COL21A1: variants seen among roughly 807,000 people sequenced by gnomAD.
COL21A1 encodes collagen alpha-1(XXI) chain.
Under a neutral mutation model 137.9 loss-of-function variants are expected in COL21A1, and 149 were observed. The observed-to-expected ratio is 1.08, with a 90% confidence interval of 0.95 to 1.24. The LOEUF is 1.24. COL21A1 is among the 50% of genes most tolerant of loss of function. The pLI is 0.00. For synonymous variants in COL21A1, 456 were observed against 391.5 expected (o/e 1.16, Z -1.95); for missense variants, 1,167 against 1,158.4 (o/e 1.01, Z -0.11).
upstream of COL21A1, among the ~76,000 whole-genome samples, chr6:56,251,681 TG>T (rs1782858719): frequency 6.6e-6 from 1 of 152,222 alleles, no homozygotes; most frequent in African/African-American, 2.4e-5. Flanking sequence ...CCTCATGAAA[TG>T]TCTAGTCTAG....
At chr6:56,312,538 A>G (rs1037669031) in intron 1 of COL21A1, among the ~76,000 whole-genome samples, 2 of 152,170 alleles carry the variant, frequency 1.3e-5, no homozygotes, top group African/African-American at 4.8e-5. Context: ...TTGGTTTGAG[A>G]TATCTCTCAG....
intron 1 of COL21A1, among the ~76,000 whole-genome samples, chr6:56,378,532 G>A (rs2094003597): frequency 6.6e-6 from 1 of 152,188 alleles, no homozygotes; most frequent in Non-Finnish European, 1.5e-5. Flanking sequence ...GCTATGTCTT[G>A]TGATTTCAGT....
intron 1 of COL21A1, among the ~76,000 whole-genome samples, chr6:56,359,949 A>G (rs1477826483): frequency 6.6e-6 from 1 of 152,210 alleles, no homozygotes; most frequent in Non-Finnish European, 1.5e-5. Context: ...TAAACTAGCA[A>G]GATATGATGT....
chr6:56,228,951 C>T lies in COL21A1; in HGVS notation c.-39+18436G>A, dbSNP rs545520904. Reference sequence around the variant, plus strand: ...ATAAAAGAACAAATGCAAAAAAATGCAAAACTATATAGTAAGCTAATTATG... The same window carrying T: ...ATAAAAGAACAAATGCAAAAAAATGTAAAACTATATAGTAAGCTAATTATG... On this transcript the variant is annotated intron_variant, in intron 1 of 29. Coordinates refer to ENST00000244728, the MANE Select transcript of COL21A1 (RefSeq NM_030820.4). 9.6e-4 allele frequency among the ~76,000 whole-genome samples: 146 copies of T among 151,882 alleles called. 2 individuals are homozygous for T. The highest frequency in any genetic ancestry group is 9.5e-3 in the Admixed American group (145 of 15,224).
chr6:56,326,180 C>G (rs1765086791), intron 1 of COL21A1, among the ~76,000 whole-genome samples: 1 of 146,908 alleles, frequency 6.8e-6, no homozygotes, highest in African/African-American at 2.5e-5. Flanking sequence ...CTTTAATTAT[C>G]AAAGTTCTTT....
intron 23 of COL21A1, among the ~76,000 whole-genome samples, chr6:56,066,899 GTTTT>G (rs951691350): frequency 6.6e-6 from 1 of 150,682 alleles, no homozygotes; most frequent in Non-Finnish European, 1.5e-5. Context: ...AGGGTTAAAG[GTTTT>G]TTATCAAACT....
At chr6:56,134,339 T>G (rs1201796449) in intron 12 of COL21A1, among the ~76,000 whole-genome samples, 1 of 152,226 alleles carries the variant, frequency 6.6e-6, no homozygotes, top group Non-Finnish European at 1.5e-5. Context: ...CCCTTCGTTT[T>G]GGTCAATTTC....
chr6:56,276,191 G>T (rs769458570), intron 1 of COL21A1, among the ~76,000 whole-genome samples: 5 of 152,156 alleles, frequency 3.3e-5, no homozygotes, highest in Non-Finnish European at 5.9e-5. Context: ...TAAAGATGGG[G>T]ACAATAGACA....
At chr6:56,269,323 T>A (rs1763466201) in intron 1 of COL21A1, among the ~76,000 whole-genome samples, 1 of 151,924 alleles carries the variant, frequency 6.6e-6, no homozygotes, top group Non-Finnish European at 1.5e-5. Context: ...TTCACCAAAG[T>A]CAACATGAAA....
At chr6:56,344,727 C>G (rs56948015) in intron 1 of COL21A1, among the ~76,000 whole-genome samples, 1 of 151,670 alleles carries the variant, frequency 6.6e-6, no homozygotes, top group East Asian at 1.9e-4. Flanking sequence ...AGATTTCCCC[C>G]TTGCTGTTCT....
chr6:56,101,459 A>G lies in COL21A1; in HGVS notation c.1812+13T>C, dbSNP rs1184810029. 1 of 1,580,518 alleles carries G rather than the reference A, an allele frequency of 6.3e-7. No homozygotes were observed. The highest frequency in any genetic ancestry group is 8.6e-7 in the Non-Finnish European group (1 of 1,158,012). On this transcript the variant is annotated intron_variant, in intron 17 of 29. Coordinates refer to ENST00000244728, the MANE Select transcript of COL21A1 (RefSeq NM_030820.4). ...AACTTCATCTTTTAGAACTGAAATG[A>G]GAAGGTACTCACAGGCTCTCCCCGT...
intron 8 of COL21A1, 24 bp from the exon 9 acceptor site, chr6:56,164,530 G>A: frequency 6.7e-7 from 1 of 1,502,692 alleles, no homozygotes; most frequent in Non-Finnish European, 9.1e-7. Context: ...AATGGAAACA[G>A]ACAACAAGCA....
intron 17 of COL21A1, chr6:56,078,174 C>T: frequency 2.2e-6 from 1 of 455,790 alleles, no homozygotes; most frequent in Non-Finnish European, 4.4e-6. Context: ...CGTGGCTGAA[C>T]TCATATGCAC....
In COL21A1 at chr6:56,365,817, T is replaced by C. The variant is rs150500110; in HGVS notation, c.-39+28154A>G. Among the ~76,000 whole-genome samples the C allele has an allele frequency of 4.4e-3, 676 of 152,308 alleles. 1 individual carries two copies. The highest frequency in any genetic ancestry group is 7.9e-3 in the Non-Finnish European group (539 of 68,026). On this transcript the variant is annotated intron_variant, in intron 1 of 28. Transcript: ENST00000370819. ...GGTTTAACTCTGAATCTTTACACCA[T>C]GTATAACAACCACTTCTTTCCAAGC...
At chr6:56,214,876 T>A (rs1370645662) in intron 1 of COL21A1, among the ~76,000 whole-genome samples, 1 of 152,066 alleles carries the variant, frequency 6.6e-6, no homozygotes, top group Non-Finnish European at 1.5e-5. Context: ...TTCATGTAAG[T>A]TTCTTTTATG....
intron 1 of COL21A1, among the ~76,000 whole-genome samples, chr6:56,226,211 A>G (rs1282722587): frequency 2.0e-5 from 3 of 152,032 alleles, no homozygotes; most frequent in Non-Finnish European, 4.4e-5. Flanking sequence ...CCTACAGGGT[A>G]GCTTTTACAG....
At chr6:56,320,693 A>C (rs1325226855) in intron 1 of COL21A1, among the ~76,000 whole-genome samples, 2 of 152,068 alleles carry the variant, frequency 1.3e-5, no homozygotes, top group Non-Finnish European at 2.9e-5. Flanking sequence ...CTTTCCATTG[A>C]TATTCATGTG....
chr6:56,166,802 TAA>T (rs764334215), intron 7 of COL21A1, 102 bp downstream of exon 7: 75 of 867,514 alleles, frequency 8.6e-5, no homozygotes, highest in Non-Finnish European at 1.3e-4. Context: ...AAAATAAAAT[TAA>T]GTCTACATAT....
intron 12 of COL21A1, among the ~76,000 whole-genome samples, chr6:56,133,066 A>T (rs1016771600): frequency 6.6e-6 from 1 of 152,216 alleles, no homozygotes; most frequent in African/African-American, 2.4e-5. Flanking sequence ...TGCTGAAAAG[A>T]TAACCAAAAA....
Sources: allele counts gnomAD v4.1 joint callset (sites outside exome capture counted in the v4.1 genomes callset), GRCh38; gene constraint gnomAD v4.1.1; transcripts MANE v1.5; gene names NCBI Gene and HGNC (gene_info 2026-07-23, HGNC 2026-07-21).